The following PRKAR1B variants were observed in gnomAD, a reference collection of about 807,000 sequenced individuals.
PRKAR1B encodes the protein protein kinase cAMP-dependent type I regulatory subunit beta, also known as cAMP-dependent protein kinase type I-beta regulatory subunit.
PRKAR1B carries 22 observed loss-of-function variants against 46.5 expected under a neutral mutation model. The observed-to-expected ratio is 0.47, with a 90% CI of 0.34 to 0.68. The LOEUF (loss-of-function observed/expected upper bound fraction) is 0.68. Among genes scored for constraint, PRKAR1B ranks in the 30% least tolerant of loss-of-function variants. The pLI, the probability that PRKAR1B is intolerant of heterozygous loss-of-function variation, is 0.01. For synonymous variants in PRKAR1B, 259 were observed against 217.7 expected, an observed-to-expected ratio of 1.19 and a Z score of -1.67; for missense variants, 445 against 535.6, an observed-to-expected ratio of 0.83 and a Z score of 1.67.
intron 4 of PRKAR1B, among the ~76,000 whole-genome samples, chr7:659,470 T>C (rs1255152442): frequency 2.0e-5 from 3 of 152,046 alleles, no homozygotes. Context: ...GGCACCCACA[T>C]GGTGGCCGCA....
At chr7:636,449 T>G (rs1784111872) in intron 4 of PRKAR1B, among the ~76,000 whole-genome samples, 1 of 150,050 alleles carries the variant, frequency 6.7e-6, no homozygotes, top group East Asian at 2.0e-4. Context: ...CGCCCTCACG[T>G]CCTCCACCGG....
At chr7:678,730 G>A (rs778011922) in intron 3 of PRKAR1B, among the ~76,000 whole-genome samples, 4 of 152,232 alleles carry the variant, frequency 2.6e-5, no homozygotes, top group Non-Finnish European at 5.9e-5. Context: ...CTGTGCAGAC[G>A]TCTTTGAGAG....
rs1161293083 is a variant in PRKAR1B at position 666,166 on chromosome 7, C to A, written c.440+11063G>T. On this transcript the variant is annotated intron_variant, in intron 4 of 10. Coordinates refer to ENST00000537384, the MANE Select transcript of PRKAR1B (RefSeq NM_001164760.2). This position sits in a 1 kb window ranked among gnomAD's most constrained non-coding sequence, Gnocchi z 4.9. ...CTACAGGCGCCCTAATCAGGGAAAG[C>A]CGGGAAGGGACCGGGATAGAACCCA... Among the ~76,000 whole-genome samples the A allele has an allele frequency of 6.6e-6, 1 of 152,210 alleles. No homozygotes were observed. Among genetic ancestry groups the A allele is most frequent in the Non-Finnish European group, 1.5e-5 (1 of 68,038 alleles).
chr7:599,299 TCTC>T (rs751832088), intron 6 of PRKAR1B, among the ~76,000 whole-genome samples: 12 of 132,844 alleles, frequency 9.0e-5, no homozygotes, highest in South Asian at 3.4e-4. Flanking sequence ...TTTTGTTTTC[TCTC>T]TTTTTTTTTT....
intron 4 of PRKAR1B, among the ~76,000 whole-genome samples, chr7:647,746 G>T (rs1784690514): frequency 6.9e-6 from 1 of 144,054 alleles, no homozygotes; most frequent in Non-Finnish European, 1.5e-5. Flanking sequence ...GGCAGAGCCT[G>T]CAGTGAGCCG....
chr7:573,420 C>T (rs1332280150), intron 9 of PRKAR1B, among the ~76,000 whole-genome samples: 1 of 152,096 alleles, frequency 6.6e-6, no homozygotes, highest in Non-Finnish European at 1.5e-5. Flanking sequence ...AGGCCCCTCC[C>T]CACATGCCCC....
In PRKAR1B at chr7:644,906, C is replaced by A. The variant is rs1205889304; in HGVS notation, c.440+32323G>T. Among the ~76,000 whole-genome samples, 1 of 152,170 alleles carries A rather than the reference C, an allele frequency of 6.6e-6. No individual in the cohort carries two copies. Among genetic ancestry groups the A allele is most frequent in the East Asian group, 1.9e-4 (1 of 5,188 alleles). On this transcript the variant is annotated intron_variant, in intron 4 of 10. Transcript: ENST00000537384. The surrounding 1 kb of genome is among the most constrained non-coding windows in gnomAD (Gnocchi z 4.9). Reference sequence around the variant, plus strand: ...TGCTCAGAGGCCGCCCAGGCCACCCCGTCTCACGATGGGGAGATGTGAGAC... The same window carrying A: ...TGCTCAGAGGCCGCCCAGGCCACCCAGTCTCACGATGGGGAGATGTGAGAC...
At chr7:662,199 G>A (rs1282935270) in intron 4 of PRKAR1B, among the ~76,000 whole-genome samples, 8 of 67,898 alleles carry the variant, frequency 1.2e-4, no homozygotes, top group East Asian at 4.5e-4. Flanking sequence ...TCCCCCCCAT[G>A]GCACAGGTCC....
chr7:622,915 G>C (rs1017747085), intron 4 of PRKAR1B, among the ~76,000 whole-genome samples: 1 of 152,198 alleles, frequency 6.6e-6, no homozygotes, highest in Non-Finnish European at 1.5e-5. Context: ...GAAAGACCTA[G>C]ACATGCTGCC....
At chr7:715,161 G>A (rs532374115) in intron 1 of PRKAR1B, among the ~76,000 whole-genome samples, 2 of 152,184 alleles carry the variant, frequency 1.3e-5, no homozygotes, top group African/African-American at 2.4e-5. Flanking sequence ...GCAAAAGAGC[G>A]AACGAAACTC....
At chr7:697,603 G>A (rs763836690) in intron 2 of PRKAR1B, among the ~76,000 whole-genome samples, 15 of 151,992 alleles carry the variant, frequency 9.9e-5, no homozygotes, top group African/African-American at 1.4e-4. Flanking sequence ...AATCTCAAGC[G>A]CCAGTTGTAT....
intron 1 of PRKAR1B, among the ~76,000 whole-genome samples, chr7:717,837 G>A (rs1780932865): frequency 6.6e-6 from 1 of 152,184 alleles, no homozygotes; most frequent in South Asian, 2.1e-4. Flanking sequence ...CCACCTCCCA[G>A]TGCTCATGGC....
rs1781001494 is a variant in PRKAR1B at position 591,994 on chromosome 7, G to A, written c.708+4152C>T. Among the ~76,000 whole-genome samples, 3 of 152,364 alleles carry A rather than the reference G, an allele frequency of 2.0e-5. No homozygotes were observed. In the South Asian group the frequency reaches 6.2e-4, roughly 32 times the overall value. ...GTGGAACCCAGCGTGACAGACCCCAGGGCCAATGAGAAGAGAAAGAGGCCC... is the reference window on the plus strand; with the variant it reads ...GTGGAACCCAGCGTGACAGACCCCAAGGCCAATGAGAAGAGAAAGAGGCCC... On this transcript the variant is annotated intron_variant, in intron 7 of 10. Transcript: ENST00000537384.
Position 717,482 on chromosome 7 carries a change from C to A in PRKAR1B, c.-22-5955G>T, listed in dbSNP as rs1780922505. Among the ~76,000 whole-genome samples, 3 of 151,944 alleles carry A rather than the reference C, an allele frequency of 2.0e-5. No homozygotes were observed. The South Asian group carries it at 6.2e-4, about 32-fold the overall frequency. ...GACCCATCTGGGCAACAGAGCAAGA[C>A]CCTGTCTCTACAAAAAAATACAAAA... is the stretch of plus-strand genomic sequence containing the variant. On this transcript the variant is annotated intron_variant, in intron 1 of 10. Coordinates refer to ENST00000537384, the MANE Select transcript of PRKAR1B (RefSeq NM_001164760.2).
chr7:622,214 G>A (rs1240255658), intron 4 of PRKAR1B, among the ~76,000 whole-genome samples: 1 of 152,218 alleles, frequency 6.6e-6, no homozygotes, highest in East Asian at 1.9e-4. Context: ...CAGAAAGGAT[G>A]GGCACCCACA....
At chr7:710,648 T>G (rs926958119) in intron 2 of PRKAR1B, among the ~76,000 whole-genome samples, 2 of 147,732 alleles carry the variant, frequency 1.4e-5, no homozygotes, top group African/African-American at 5.0e-5. Flanking sequence ...TTTTCCTTTT[T>G]TTTTTTTTTT....
At chr7:588,625 T>C (rs1345940864) in intron 7 of PRKAR1B, among the ~76,000 whole-genome samples, 162 of 137,524 alleles carry the variant, frequency 1.2e-3, no homozygotes, top group Non-Finnish European at 1.6e-3. Flanking sequence ...GTGATGGTGA[T>C]GGTGGTGATG....
chr7:725,117 G>A (rs534581022), intron 1 of PRKAR1B, among the ~76,000 whole-genome samples: 142 of 152,066 alleles, frequency 9.3e-4, no homozygotes, highest in African/African-American at 3.2e-3. Context: ...GGGAGGCTGA[G>A]GCAGGAGAAT....
intron 10 of PRKAR1B, 91 bp from the exon 11 acceptor site, chr7:550,693 C>T: frequency 1.8e-6 from 2 of 1,125,814 alleles, no homozygotes; most frequent in Non-Finnish European, 2.4e-6. Context: ...GAAGCGGCTC[C>T]CTTTTAAGGA....
Sources: allele counts gnomAD v4.1 joint callset (sites outside exome capture counted in the v4.1 genomes callset), GRCh38; gene constraint gnomAD v4.1.1; non-coding constraint Gnocchi (gnomAD v3.1); transcripts MANE v1.5; gene names NCBI Gene and HGNC (gene_info 2026-07-23, HGNC 2026-07-21).